Variants in EFNA5 observed in about 807,000 individuals in gnomAD.
EFNA5 encodes the protein ephrin A5, also known as ephrin-A5.
A neutral mutation model predicts 22.9 loss-of-function variants in EFNA5; 5 were observed. That is an observed-to-expected ratio of 0.22 (90% CI 0.11 to 0.46). The LOEUF (loss-of-function observed/expected upper bound fraction) is 0.46, where lower values mean the gene tolerates loss of function less well. Among genes scored for constraint, EFNA5 ranks in the 20% least tolerant of loss-of-function variants. The pLI, the probability that EFNA5 is intolerant of heterozygous loss-of-function variation, is 0.99. For missense variants in EFNA5, 237 were observed against 293.3 expected, an observed-to-expected ratio of 0.81 and a Z score of 1.40; for synonymous variants, 113 against 112.2, an observed-to-expected ratio of 1.01 and a Z score of -0.04.
chr5:107,541,121 G>C (rs906798921), intron 1 of EFNA5, among the ~76,000 whole-genome samples: 1 of 150,536 alleles, frequency 6.6e-6, no homozygotes, highest in Non-Finnish European at 1.5e-5. Flanking sequence ...AAAGAAGGAA[G>C]AAAGAAAGAA....
chr5:107,384,889 T>C (rs1241301673), intron 4 of EFNA5, among the ~76,000 whole-genome samples: 1 of 150,574 alleles, frequency 6.6e-6, no homozygotes, highest in African/African-American at 2.4e-5. Context: ...GCTGGGATTA[T>C]AGGTGTGAGG....
chr5:107,405,657 G>A (rs1298922590), intron 2 of EFNA5, among the ~76,000 whole-genome samples: 2 of 151,932 alleles, frequency 1.3e-5, no homozygotes, highest in Non-Finnish European at 2.9e-5. Flanking sequence ...CTATACTTGG[G>A]GCAAATGGGC....
At chr5:107,539,490 G>A (rs1363903365) in intron 1 of EFNA5, among the ~76,000 whole-genome samples, 1 of 152,164 alleles carries the variant, frequency 6.6e-6, no homozygotes, top group Non-Finnish European at 1.5e-5. Flanking sequence ...AAAAAGTCTT[G>A]CTCTTTTGCC....
At chr5:107,438,286 T>C (rs1364402948) in intron 1 of EFNA5, among the ~76,000 whole-genome samples, 1 of 152,212 alleles carries the variant, frequency 6.6e-6, no homozygotes, top group Non-Finnish European at 1.5e-5. Flanking sequence ...CTGCCTCTCA[T>C]TGGCCCATTG....
At chr5:107,543,756 C>T (rs1409244442) in intron 1 of EFNA5, among the ~76,000 whole-genome samples, 1 of 152,206 alleles carries the variant, frequency 6.6e-6, no homozygotes, top group South Asian at 2.1e-4. Context: ...TTTCAGAAAC[C>T]ATTAAGCCAA....
intron 1 of EFNA5, among the ~76,000 whole-genome samples, chr5:107,518,453 G>C (rs1747528682): frequency 6.6e-6 from 1 of 152,054 alleles, no homozygotes; most frequent in African/African-American, 2.4e-5. Flanking sequence ...CTTAATAGAA[G>C]GGCAGCCACT....
intron 1 of EFNA5, among the ~76,000 whole-genome samples, chr5:107,517,098 T>G (rs1747496419): frequency 6.6e-6 from 1 of 152,034 alleles, no homozygotes. Context: ...ATTCATTGAT[T>G]GTACATTTAC....
intron 1 of EFNA5, among the ~76,000 whole-genome samples, chr5:107,541,434 A>C (rs1056535179): frequency 6.6e-6 from 1 of 152,204 alleles, no homozygotes; most frequent in Non-Finnish European, 1.5e-5. Context: ...TCGAAGCCTA[A>C]CTCTAGCAAT....
intron 1 of EFNA5, among the ~76,000 whole-genome samples, chr5:107,488,549 C>T (rs1746707965): frequency 6.6e-6 from 1 of 152,102 alleles, no homozygotes; most frequent in African/African-American, 2.4e-5. Flanking sequence ...ATCCTACAAG[C>T]ATCAAATTAT....
At chr5:107,431,858 A>G (rs1748972677) in intron 1 of EFNA5, among the ~76,000 whole-genome samples, 1 of 152,202 alleles carries the variant, frequency 6.6e-6, no homozygotes. Flanking sequence ...TGTAGTTTTA[A>G]TTAGTTTCAC....
chr5:107,410,418 A>G (rs1275295447), intron 2 of EFNA5, among the ~76,000 whole-genome samples: 1 of 152,204 alleles, frequency 6.6e-6, no homozygotes, highest in Non-Finnish European at 1.5e-5. Flanking sequence ...CCAGATAGAA[A>G]GGACTAGATG....
chr5:107,472,333 A>C (rs955275932), intron 1 of EFNA5, among the ~76,000 whole-genome samples: 5 of 152,238 alleles, frequency 3.3e-5, no homozygotes, highest in Admixed American at 3.3e-4. Flanking sequence ...CTATACTTGC[A>C]GTGACTCAAG....
At chr5:107,503,594 C>T (rs1217425060) in intron 1 of EFNA5, among the ~76,000 whole-genome samples, 2 of 152,144 alleles carry the variant, frequency 1.3e-5, no homozygotes, top group African/African-American at 4.8e-5. Flanking sequence ...TCACTACTTA[C>T]GTAGTAAGAA....
chr5:107,655,752 C>T (rs1750806567), intron 1 of EFNA5, among the ~76,000 whole-genome samples: 1 of 152,068 alleles, frequency 6.6e-6, no homozygotes, highest in Non-Finnish European at 1.5e-5. Context: ...GAATAACCAC[C>T]TGACAATGCT....
At chr5:107,595,554 G>C (rs1035441843) in intron 1 of EFNA5, among the ~76,000 whole-genome samples, 1 of 152,118 alleles carries the variant, frequency 6.6e-6, no homozygotes, top group Non-Finnish European at 1.5e-5. Flanking sequence ...GGGAAGCCGG[G>C]AAAGGGAAAG....
At chr5:107,623,592 G>A (rs999110715) in intron 1 of EFNA5, among the ~76,000 whole-genome samples, 1 of 151,878 alleles carries the variant, frequency 6.6e-6, no homozygotes, top group Admixed American at 6.6e-5. Flanking sequence ...ATGAAGTACT[G>A]TACAGCATGA....
intron 1 of EFNA5, among the ~76,000 whole-genome samples, chr5:107,641,357 C>CA (rs33968147): frequency 2.5e-3 from 366 of 146,946 alleles, no homozygotes; most frequent in South Asian, 0.01. Flanking sequence ...GACTCTGTCT[C>CA]AAAAAAAAAA....
At chr5:107,500,148 C>A (rs1264364759) in intron 1 of EFNA5, among the ~76,000 whole-genome samples, 1 of 152,184 alleles carries the variant, frequency 6.6e-6, no homozygotes, top group Non-Finnish European at 1.5e-5. Flanking sequence ...CAAAGCAGAA[C>A]CTCCATTGTG....
At chr5:107,466,500 C>A (rs983142741) in intron 1 of EFNA5, among the ~76,000 whole-genome samples, 4 of 152,158 alleles carry the variant, frequency 2.6e-5, no homozygotes, top group African/African-American at 9.7e-5. Flanking sequence ...CACAGGAGAA[C>A]AAGGCTGATG....
Sources: gnomAD v4.1 joint callset for allele counts (sites outside exome capture counted in the v4.1 genomes callset) on GRCh38, gnomAD v4.1.1 for gene constraint, MANE v1.5 for transcripts, NCBI Gene and HGNC (gene_info 2026-07-23, HGNC 2026-07-21) for gene names.